UBE2U: variants seen among roughly 807,000 people sequenced by gnomAD.
UBE2U encodes ubiquitin conjugating enzyme E2 U.
In UBE2U, 39 loss-of-function variants were observed where a neutral mutation model predicts 41.2. That is an observed-to-expected ratio of 0.95 (90% CI 0.73 to 1.24). The LOEUF (loss-of-function observed/expected upper bound fraction) is 1.24. Ranked by LOEUF, UBE2U falls within the 50% of genes most tolerant of loss-of-function variation. The pLI is 0.00. For missense variants in UBE2U, 336 were observed against 363.1 expected, an observed-to-expected ratio of 0.93 and a Z score of 0.61; for synonymous variants, 107 against 117.8, an observed-to-expected ratio of 0.91 and a Z score of 0.60.
At chr1:64,210,181 G>A (rs1392525801) in intron 3 of UBE2U, among the ~76,000 whole-genome samples, 1 of 152,124 alleles carries the variant, frequency 6.6e-6, no homozygotes, top group Non-Finnish European at 1.5e-5. Flanking sequence ...GTCATTTTAA[G>A]TTTCTTCTAG....
chr1:64,222,778 C>T (rs1652578918), intron 6 of UBE2U, among the ~76,000 whole-genome samples: 1 of 152,214 alleles, frequency 6.6e-6, no homozygotes, highest in Non-Finnish European at 1.5e-5. Flanking sequence ...TATTGTGTGT[C>T]TAGTGCCATA....
intron 6 of UBE2U, among the ~76,000 whole-genome samples, chr1:64,226,935 C>A (rs796696861): frequency 6.6e-5 from 10 of 152,030 alleles, no homozygotes; most frequent in African/African-American, 2.4e-4. Flanking sequence ...TAACAATGAC[C>A]AAATGGGTCT....
chr1:64,246,128 TTC>T, intron 8 of UBE2U, among the ~76,000 whole-genome samples: 1 of 139,624 alleles, frequency 7.2e-6, no homozygotes, highest in East Asian at 2.2e-4. Flanking sequence ...ACAATGTTAG[TTC>T]TTTTTTTTCT....
chr1:64,239,070 AAGAG>A (rs1308405573), intron 7 of UBE2U, among the ~76,000 whole-genome samples: 1 of 67,488 alleles, frequency 1.5e-5, no homozygotes, highest in Non-Finnish European at 2.9e-5. Flanking sequence ...GAAGAAGAGG[AAGAG>A]GAAGAGGAAG....
At chr1:64,260,493 A>G (rs1169682382) in intron 8 of UBE2U, 110 bp from the exon 9 acceptor site, 2 of 784,344 alleles carry the variant, frequency 2.5e-6, no homozygotes, top group African/African-American at 1.8e-5. Context: ...TTCAAAGCCT[A>G]TTGTTCTACT....
At chr1:64,230,644 G>GA (rs1161864901) in intron 6 of UBE2U, among the ~76,000 whole-genome samples, 1 of 151,298 alleles carries the variant, frequency 6.6e-6, no homozygotes, top group Non-Finnish European at 1.5e-5. Flanking sequence ...CCTGACGACT[G>GA]AAAAAAAATT....
chr1:64,207,516 G>C (rs1472147842), intron 3 of UBE2U, among the ~76,000 whole-genome samples: 4 of 152,004 alleles, frequency 2.6e-5, no homozygotes, highest in Non-Finnish European at 4.4e-5. Flanking sequence ...CATCTTAAAT[G>C]GTTCAACAAT....
intron 9 of UBE2U, among the ~76,000 whole-genome samples, chr1:64,261,814 G>A (rs1021750332): frequency 2.0e-5 from 3 of 152,200 alleles, no homozygotes; most frequent in Non-Finnish European, 2.9e-5. Flanking sequence ...AGTTGGTTAA[G>A]TTGATGTGAT....
intron 4 of UBE2U, 137 bp from the exon 5 acceptor site, chr1:64,214,678 A>G (rs1651872653): frequency 1.5e-6 from 1 of 646,702 alleles, no homozygotes; most frequent in Non-Finnish European, 2.7e-6. Flanking sequence ...GTCTCATGTT[A>G]TTTTTTAATC....
intron 6 of UBE2U, among the ~76,000 whole-genome samples, chr1:64,228,686 CTT>C (rs59774097): frequency 0.47 from 44,829 of 95,208 alleles, 10,318 homozygotes; most frequent in African/African-American, 0.61. Flanking sequence ...CTCTCTCTCT[CTT>C]TTTTTTTTTT....
Position 64,204,268 on chromosome 1 carries a change from G to T in UBE2U, c.66+152G>T, listed in dbSNP as rs892701989. ...AATAAATCCATTTCACTGAAGTAAT[G>T]TGTTTCATATTAATAACAATTATTA... On this transcript the variant is annotated intron_variant, in intron 1 of 9. Transcript: ENST00000371077. 4 of 608,080 alleles carry T rather than the reference G, an allele frequency of 6.6e-6. No homozygotes were observed. In the Admixed American group the frequency reaches 1.3e-4, roughly 20 times the overall value. 37.7% of individuals were successfully genotyped at this position (608,080 alleles called of 1,614,324 possible).
intron 6 of UBE2U, among the ~76,000 whole-genome samples, chr1:64,232,091 T>A (rs900952307): frequency 2.0e-5 from 3 of 152,182 alleles, no homozygotes; most frequent in African/African-American, 4.8e-5. Flanking sequence ...ATAGCCAGAT[T>A]CTCTGTAAAA....
At chr1:64,223,156 A>G (rs1652610734) in intron 6 of UBE2U, among the ~76,000 whole-genome samples, 1 of 152,216 alleles carries the variant, frequency 6.6e-6, no homozygotes, top group Non-Finnish European at 1.5e-5. Flanking sequence ...ATTGTGCCCC[A>G]GTGTGAGGAT....
rs531684455 is a variant in UBE2U, at chr1:64,227,604, C to G, written c.507-4957C>G. The stretch of plus-strand genomic sequence containing the variant: ...ATCATCTGAGGTCGGGAGTTTGAGA[C>G]CAGCCTAACCAACATGCAGAAACCC... On this transcript the variant is annotated intron_variant, in intron 6 of 9. Coordinates refer to ENST00000371077, the MANE Select transcript of UBE2U (RefSeq NM_001366232.2). Among the ~76,000 whole-genome samples, 38 of 152,218 alleles carry G rather than the reference C, an allele frequency of 2.5e-4. No individual in the cohort carries two copies. In the South Asian group the frequency reaches 6.0e-3, roughly 24 times the overall value.
intron 8 of UBE2U, among the ~76,000 whole-genome samples, chr1:64,249,723 T>G (rs796174437): frequency 1.3e-5 from 2 of 151,548 alleles, no homozygotes; most frequent in African/African-American, 4.8e-5. Flanking sequence ...ATAATCTCTT[T>G]AAAAAAAGAT....
intron 8 of UBE2U, among the ~76,000 whole-genome samples, chr1:64,253,425 A>G (rs975416256): frequency 1.3e-5 from 2 of 152,174 alleles, no homozygotes; most frequent in Admixed American, 1.3e-4. Context: ...CCCCAGTAAG[A>G]TACTCCACAG....
intron 8 of UBE2U, among the ~76,000 whole-genome samples, chr1:64,257,452 T>C (rs1645112051): frequency 6.6e-6 from 1 of 152,210 alleles, no homozygotes. Context: ...CGAGATCATG[T>C]CCTTTGCAGG....
chr1:64,221,982 G>A (rs1388980233), intron 6 of UBE2U, among the ~76,000 whole-genome samples: 1 of 151,666 alleles, frequency 6.6e-6, no homozygotes, highest in Non-Finnish European at 1.5e-5. Context: ...AGCTACTCGG[G>A]AGGCTGAGGC....
intron 6 of UBE2U, among the ~76,000 whole-genome samples, chr1:64,223,228 C>G (rs1343078522): frequency 6.6e-6 from 1 of 152,148 alleles, no homozygotes; most frequent in African/African-American, 2.4e-5. Context: ...ATTGGAAGCC[C>G]TCTTCTTTTT....
Sources: gnomAD v4.1 joint callset for allele counts (sites outside exome capture counted in the v4.1 genomes callset) on GRCh38, gnomAD v4.1.1 for gene constraint, MANE v1.5 for transcripts, NCBI Gene and HGNC (gene_info 2026-07-23, HGNC 2026-07-21) for gene names.